Variants in PALM2AKAP2 observed in about 807,000 individuals in gnomAD.
PALM2AKAP2 encodes the protein PALM2 and AKAP2 fusion.
Under a neutral mutation model 71.5 loss-of-function variants are expected in PALM2AKAP2, and 37 were observed. The observed-to-expected ratio is 0.52, with a 90% confidence interval of 0.40 to 0.68. The LOEUF (loss-of-function observed/expected upper bound fraction) is 0.68, where lower values mean the gene tolerates loss of function less well. Ranked by LOEUF, PALM2AKAP2 falls within the 30% of genes least tolerant of loss-of-function variation. The probability of loss-of-function intolerance (pLI) is 0.00; values close to 1 mark genes in which losing one functional copy is unlikely to be tolerated. For synonymous variants in PALM2AKAP2, 468 were observed against 478.8 expected (o/e 0.98, Z 0.29); for missense variants, 1,224 against 1,191.8 (o/e 1.03, Z -0.40).
chr9:109,755,391 G>C (rs1180935314), intron 1 of PALM2AKAP2, among the ~76,000 whole-genome samples: 1 of 152,050 alleles, frequency 6.6e-6, no homozygotes, highest in Non-Finnish European at 1.5e-5. Flanking sequence ...GTGTCCAGCT[G>C]GTTACCATCC....
chr9:109,995,191 G>A (rs1588049491), intron 6 of PALM2AKAP2, among the ~76,000 whole-genome samples: 1 of 152,134 alleles, frequency 6.6e-6, no homozygotes, highest in East Asian at 1.9e-4. Flanking sequence ...AGGAAGCTCT[G>A]GCAGGACACC....
intron 6 of PALM2AKAP2, among the ~76,000 whole-genome samples, chr9:109,986,300 G>C (rs759009578): frequency 3.3e-5 from 5 of 152,178 alleles, no homozygotes; most frequent in Non-Finnish European, 7.3e-5. Context: ...CAATTTTACA[G>C]TAATTTTCTT....
At chr9:109,719,756 A>T (rs1828378647) in intron 1 of PALM2AKAP2, among the ~76,000 whole-genome samples, 1 of 152,130 alleles carries the variant, frequency 6.6e-6, no homozygotes, top group South Asian at 2.1e-4. Context: ...GATTCTCTAA[A>T]CTATTCCCAG....
Position 110,103,863 on chromosome 9 carries a change from A to G in PALM2AKAP2, c.157-32264A>G, listed in dbSNP as rs144698816. ...TTTGAACAGAGAGAAATTCTTTGCT[A>G]TGTTGGCAAAAGATCCTTCATATCT... On this transcript the variant is annotated intron_variant, in intron 1 of 3. Transcript: ENST00000374525. 2.5e-3 allele frequency among the ~76,000 whole-genome samples: 383 copies of G among 152,290 alleles called. 8 individuals are homozygous for G. The highest frequency in any genetic ancestry group is 0.024 in the Admixed American group (371 of 15,298).
At chr9:109,995,656 G>A (rs1832559493) in intron 6 of PALM2AKAP2, among the ~76,000 whole-genome samples, 1 of 152,140 alleles carries the variant, frequency 6.6e-6, no homozygotes, top group Admixed American at 6.5e-5. Flanking sequence ...CTTATTCACT[G>A]TCATGCAAAC....
At chr9:109,880,316 C>T (rs938005227) in intron 2 of PALM2AKAP2, among the ~76,000 whole-genome samples, 11 of 152,122 alleles carry the variant, frequency 7.2e-5, no homozygotes, top group African/African-American at 2.4e-4. Flanking sequence ...GTTACATGGT[C>T]ATTCATTATA....
intron 1 of PALM2AKAP2, among the ~76,000 whole-genome samples, chr9:109,642,049 A>T (rs1480149988): frequency 2.0e-5 from 3 of 152,182 alleles, no homozygotes; most frequent in Non-Finnish European, 4.4e-5. Context: ...CTATCTCTGC[A>T]ATGGAAACAA....
At chr9:110,112,172 C>T (rs1311824962) in intron 1 of PALM2AKAP2, among the ~76,000 whole-genome samples, 1 of 151,708 alleles carries the variant, frequency 6.6e-6, no homozygotes, top group East Asian at 1.9e-4. Flanking sequence ...GTGGGAGACA[C>T]AGCCCTTGAA....
intron 6 of PALM2AKAP2, among the ~76,000 whole-genome samples, chr9:109,936,257 T>C (rs1831215604): frequency 6.6e-6 from 1 of 152,246 alleles, no homozygotes; most frequent in Non-Finnish European, 1.5e-5. Context: ...TCTAGCTATT[T>C]TGAAGTAGAC....
At chr9:109,950,386 T>C (rs999926516) in intron 6 of PALM2AKAP2, among the ~76,000 whole-genome samples, 1 of 152,194 alleles carries the variant, frequency 6.6e-6, no homozygotes, top group Non-Finnish European at 1.5e-5. Flanking sequence ...AGGAAAAGAT[T>C]GTCTTTATCC....
exon 4 of PALM2AKAP2, chr9:110,170,245 T>C (rs1235992369): frequency 6.6e-6 from 1 of 152,650 alleles, no homozygotes; most frequent in East Asian, 1.9e-4. Context: ...TTTTTTCCTT[T>C]GTTTTAAAAC....
chr9:110,102,968 C>T (rs2118885152), intron 1 of PALM2AKAP2, among the ~76,000 whole-genome samples: 1 of 152,220 alleles, frequency 6.6e-6, no homozygotes, highest in East Asian at 1.9e-4. Context: ...CTCTCTTGTC[C>T]TCACTTCTTT....
At chr9:110,040,495 G>C (rs1833492358) in intron 7 of PALM2AKAP2, among the ~76,000 whole-genome samples, 1 of 152,116 alleles carries the variant, frequency 6.6e-6, no homozygotes, top group Non-Finnish European at 1.5e-5. Context: ...CTACCGCAAA[G>C]ACTATCTCTG....
chr9:110,024,302 C>T (rs1181272621), intron 7 of PALM2AKAP2, among the ~76,000 whole-genome samples: 1 of 152,182 alleles, frequency 6.6e-6, no homozygotes, highest in Non-Finnish European at 1.5e-5. Context: ...CCCAAACAAC[C>T]ACTCATTCCT....
exon 2 of PALM2AKAP2, chr9:110,138,359 C>A (rs939332416): frequency 4.3e-6 from 7 of 1,614,070 alleles, no homozygotes; most frequent in Non-Finnish European, 5.9e-6. Flanking sequence ...GATGGTTGGG[C>A]CTTTCAAGCT....
chr9:110,008,606 C>T (rs1418113866), intron 6 of PALM2AKAP2, among the ~76,000 whole-genome samples: 2 of 152,082 alleles, frequency 1.3e-5, no homozygotes, highest in African/African-American at 4.8e-5. Context: ...TCTAGAAGGA[C>T]TCCTTCTTCC....
At chr9:109,897,924 T>C (rs1015743978) in intron 3 of PALM2AKAP2, among the ~76,000 whole-genome samples, 1 of 152,218 alleles carries the variant, frequency 6.6e-6, no homozygotes, top group African/African-American at 2.4e-5. Flanking sequence ...TTGAACAAGG[T>C]GGAGAAGCCC....
intron 2 of PALM2AKAP2, 126 bp from the exon 9 acceptor site, chr9:110,156,193 C>G (rs542997104): frequency 1.2e-5 from 16 of 1,343,796 alleles, no homozygotes; most frequent in Middle Eastern, 2.7e-4. Flanking sequence ...ATGGCCTACA[C>G]TTAACCATCA....
chr9:109,897,448 C>T (rs2131836530), intron 3 of PALM2AKAP2, among the ~76,000 whole-genome samples: 1 of 151,900 alleles, frequency 6.6e-6, no homozygotes, highest in South Asian at 2.1e-4. Context: ...GGCATGGTGG[C>T]GGGTGCCTGT....
Sources: gnomAD v4.1 joint callset for allele counts (sites outside exome capture counted in the v4.1 genomes callset) on GRCh38, gnomAD v4.1.1 for gene constraint, MANE v1.5 for transcripts, NCBI Gene and HGNC (gene_info 2026-07-23, HGNC 2026-07-21) for gene names.